TNPO1: variants seen among roughly 807,000 people sequenced by gnomAD.
The protein encoded by TNPO1 is transportin 1, also known as transportin-1.
A neutral mutation model predicts 119.5 loss-of-function variants in TNPO1; 8 were observed. That is an observed-to-expected ratio of 0.07 (90% CI 0.04 to 0.12). The LOEUF is 0.12. Ranked by LOEUF, TNPO1 falls within the 10% of genes least tolerant of loss-of-function variation. TNPO1 has a pLI of 1.00. For missense variants in TNPO1, 576 were observed against 1,089.8 expected (o/e 0.53, Z 6.64); for synonymous variants, 362 against 363.0 (o/e 1.00, Z 0.03).
At chr5:72,887,655 A>T (rs1748747903) in intron 12 of TNPO1, among the ~76,000 whole-genome samples, 1 of 152,258 alleles carries the variant, frequency 6.6e-6, no homozygotes, top group African/African-American at 2.4e-5. Context: ...ATTGCACTCC[A>T]GCCTGGGTGA....
At chr5:72,863,016 G>GTGTGTGTGTA (rs1354492912) in intron 5 of TNPO1, among the ~76,000 whole-genome samples, 3 of 148,658 alleles carry the variant, frequency 2.0e-5, no homozygotes, top group African/African-American at 7.3e-5. Context: ...GTGTGTGTGT[G>GTGTGTGTGTA]TGTGTGTGTG....
intron 5 of TNPO1, 127 bp from the exon 6 acceptor site, chr5:72,865,469 G>C: frequency 9.4e-7 from 1 of 1,060,572 alleles, no homozygotes; most frequent in Non-Finnish European, 1.3e-6. Flanking sequence ...TTAAATTTAT[G>C]GATTTTAGAA....
chr5:72,835,447 T>C (rs1282366015), intron 1 of TNPO1, among the ~76,000 whole-genome samples: 1 of 152,290 alleles, frequency 6.6e-6, no homozygotes, highest in Admixed American at 6.6e-5. Flanking sequence ...AGGCTTGCCC[T>C]CTGCTTCATA....
In TNPO1 at chr5:72,893,723, C is replaced by CT; in HGVS notation, c.2143+21dup. ...GTATAGGTATGAATATTTTCTACTG[C>CT]TATGAATATGGTTTTTTAAAGTTAA... On this transcript the variant is annotated intron_variant, in intron 18 of 24. Coordinates refer to ENST00000337273, the MANE Select transcript of TNPO1 (RefSeq NM_002270.4). The CT allele has an allele frequency of 6.2e-7, 1 of 1,600,238 alleles. No homozygotes were observed. The highest frequency in any genetic ancestry group is 1.1e-5 in the South Asian group (1 of 89,768).
At chr5:72,837,555 A>G (rs1302462857) in intron 1 of TNPO1, among the ~76,000 whole-genome samples, 1 of 152,232 alleles carries the variant, frequency 6.6e-6, no homozygotes, top group Non-Finnish European at 1.5e-5. Context: ...ACAAACATTC[A>G]AACCATAGCA....
chr5:72,855,394 C>T (rs978614828), intron 3 of TNPO1, among the ~76,000 whole-genome samples: 4 of 152,066 alleles, frequency 2.6e-5, no homozygotes, highest in East Asian at 1.9e-4. Context: ...TATATATAAA[C>T]GAAATTAACT....
At chr5:72,890,076 CT>C (rs1748937488) in intron 14 of TNPO1, 119 bp downstream of exon 14, 1 of 1,102,984 alleles carries the variant, frequency 9.1e-7, no homozygotes, top group Non-Finnish European at 1.3e-6. Context: ...GCGTTAGCTA[CT>C]TTAAGAGTAT....
chr5:72,822,908 CT>C (rs56331096), intron 1 of TNPO1, among the ~76,000 whole-genome samples: 991 of 75,768 alleles, frequency 0.013, 4 homozygotes, highest in African/African-American at 0.026. Context: ...TGGGTCTACA[CT>C]TTTTTTTTTT....
intron 3 of TNPO1, 111 bp from the exon 4 acceptor site, chr5:72,855,663 A>G (rs2093008342): frequency 1.2e-6 from 1 of 856,264 alleles, no homozygotes; most frequent in Non-Finnish European, 1.8e-6. Context: ...AACTGGTTAT[A>G]GCAAGTTTGA....
At chr5:72,837,577 A>C (rs1293241179) in intron 1 of TNPO1, among the ~76,000 whole-genome samples, 5 of 152,236 alleles carry the variant, frequency 3.3e-5, no homozygotes, top group Non-Finnish European at 5.9e-5. Context: ...CACTTCATTT[A>C]AATGACAAGT....
intron 1 of TNPO1, among the ~76,000 whole-genome samples, chr5:72,839,544 T>G (rs1365895387): frequency 6.6e-6 from 1 of 152,218 alleles, no homozygotes; most frequent in African/African-American, 2.4e-5. Flanking sequence ...TAGTCCTTAC[T>G]AAGAAGTACA....
chr5:72,871,377 T>A (rs1252524725), intron 6 of TNPO1, among the ~76,000 whole-genome samples: 1 of 152,232 alleles, frequency 6.6e-6, no homozygotes, highest in South Asian at 2.1e-4. Flanking sequence ...TATGCTTTTT[T>A]CACTTAATGT....
chr5:72,885,052 G>A (rs937220675), intron 11 of TNPO1, among the ~76,000 whole-genome samples: 7 of 152,220 alleles, frequency 4.6e-5, no homozygotes, highest in Admixed American at 1.3e-4. Flanking sequence ...TTTCTCTGTT[G>A]CCTCTTCAGT....
intron 11 of TNPO1, among the ~76,000 whole-genome samples, chr5:72,886,779 C>T (rs1580457065): frequency 6.7e-6 from 1 of 149,898 alleles, no homozygotes; most frequent in South Asian, 2.1e-4. Context: ...ATCCCAGCTA[C>T]TCAGGGGGCT....
intron 1 of TNPO1, among the ~76,000 whole-genome samples, chr5:72,838,565 A>G (rs964244494): frequency 1.3e-5 from 2 of 152,174 alleles, no homozygotes; most frequent in African/African-American, 4.8e-5. Flanking sequence ...CAGTAAGTAT[A>G]GCTATAATTA....
At chr5:72,835,857 T>G (rs1744673883) in intron 1 of TNPO1, among the ~76,000 whole-genome samples, 1 of 152,272 alleles carries the variant, frequency 6.6e-6, no homozygotes, top group Non-Finnish European at 1.5e-5. Flanking sequence ...ATGATTCATC[T>G]TGAGGCAAAT....
In TNPO1 at chr5:72,903,691, A is replaced by G; in HGVS notation, c.2515-18A>G. On this transcript the variant is annotated intron_variant, in intron 22 of 24. Coordinates refer to ENST00000337273, the MANE Select transcript of TNPO1 (RefSeq NM_002270.4). Reference sequence around the variant, plus strand: ...CAAATACAATATCAACCTAAGATGTATTTCTTGCTTGTTACAGGATTTTAT... The same window carrying G: ...CAAATACAATATCAACCTAAGATGTGTTTCTTGCTTGTTACAGGATTTTAT... 1 of 1,571,842 alleles carries G rather than the reference A, an allele frequency of 6.4e-7. No homozygotes were observed. Among genetic ancestry groups the G allele is most frequent in the Non-Finnish European group, 8.7e-7 (1 of 1,148,692 alleles).
chr5:72,879,612 G>T (rs1486610332), intron 9 of TNPO1, among the ~76,000 whole-genome samples: 1 of 152,064 alleles, frequency 6.6e-6, no homozygotes, highest in East Asian at 1.9e-4. Flanking sequence ...CATACTGCTT[G>T]GCCTCCCAAA....
chr5:72,865,334 C>T (rs967172564), intron 5 of TNPO1, among the ~76,000 whole-genome samples: 2 of 151,188 alleles, frequency 1.3e-5, no homozygotes, highest in Non-Finnish European at 2.9e-5. Flanking sequence ...CCCAGCTACT[C>T]GGGAGGCTGA....
Sources: allele counts gnomAD v4.1 joint callset (sites outside exome capture counted in the v4.1 genomes callset), GRCh38; gene constraint gnomAD v4.1.1; transcripts MANE v1.5; gene names NCBI Gene and HGNC (gene_info 2026-07-23, HGNC 2026-07-21).